The following ENY2 variants were observed in gnomAD, a reference collection of about 807,000 sequenced individuals.
ENY2 encodes transcription and mRNA export factor ENY2.
Under a neutral mutation model 15.9 loss-of-function variants are expected in ENY2, and 4 were observed. The ratio of observed to expected loss-of-function variants is 0.25; its 90% CI spans 0.12 to 0.57. The LOEUF is 0.57. Among genes scored for constraint, ENY2 ranks in the 20% least tolerant of loss-of-function variants. ENY2 has a pLI of 0.91. For synonymous variants in ENY2, 48 were observed against 38.0 expected (o/e 1.26, Z -0.97); for missense variants, 54 against 117.2 (o/e 0.46, Z 2.49).
At chr8:109,339,032 G>C in intron 2 of ENY2, 1 of 397,430 alleles carries the variant, frequency 2.5e-6, no homozygotes, top group East Asian at 4.5e-5. Flanking sequence ...GGACGGTGGA[G>C]AGTATATAAC....
intron 1 of ENY2, 81 bp downstream of exon 1, chr8:109,334,555 C>T: frequency 6.7e-7 from 1 of 1,499,936 alleles, no homozygotes; most frequent in East Asian, 2.4e-5. Context: ...TCGTTAGCGT[C>T]CCCGACCCGC....
At chr8:109,334,719 C>G in intron 1 of ENY2, 1 of 541,768 alleles carries the variant, frequency 1.8e-6, no homozygotes, top group Non-Finnish European at 3.2e-6. Context: ...GGGAGGGATA[C>G]CCTAGCGCCC....
At chr8:109,342,514 CTT>C (rs11316616) in intron 4 of ENY2, among the ~76,000 whole-genome samples, 133 of 139,470 alleles carry the variant, frequency 9.5e-4, no homozygotes, top group African/African-American at 1.9e-3. Flanking sequence ...TATATATACC[CTT>C]TTTTTTTTTT....
At chr8:109,334,745 G>A in intron 1 of ENY2, 1 of 515,722 alleles carries the variant, frequency 1.9e-6, no homozygotes, top group Non-Finnish European at 3.4e-6. Flanking sequence ...TTACCAGTGA[G>A]AAAACTGAGG....
chr8:109,343,235 T>C lies in ENY2; in HGVS notation c.230-170T>C, dbSNP rs184068270. 2.4e-3 allele frequency among the ~76,000 whole-genome samples: 366 copies of C among 152,268 alleles called. 4 individuals are homozygous for C. The highest frequency in any genetic ancestry group is 3.4e-3 in the Middle Eastern group (1 of 294). ...TGGATAGTTCATTTAAAATGATGAA[T>C]TGCAAGAAGACACTTTTCTTTGTCA... On this transcript the variant is annotated intron_variant, in intron 4 of 4. Transcript: ENST00000521688.
At position 109,345,553 on chromosome 8, in the gene ENY2, A is replaced by G. The variant is rs1435731637; in HGVS notation, c.*2072A>G. 2 of 152,196 alleles carry G rather than the reference A, an allele frequency of 1.3e-5. No homozygotes were observed. The highest frequency in any genetic ancestry group is 4.8e-5 in the African/African-American group (2 of 41,456). 9.4% of individuals were successfully genotyped at this position (152,196 alleles called of 1,614,324 possible). A position where few individuals can be genotyped will look rare whatever the true frequency, so the allele number is the denominator to read the frequency against. On this transcript the variant is annotated 3_prime_UTR_variant, in exon 5 of 5. Transcript: ENST00000521688. ...GTTTCACTTCATCTCTTATAAAACAATGTTCTAAAGTAAGTGATAGGGATG... is the reference window on the plus strand; with the variant it reads ...GTTTCACTTCATCTCTTATAAAACAGTGTTCTAAAGTAAGTGATAGGGATG...
At chr8:109,337,692 A>G (rs1279434029) in intron 2 of ENY2, among the ~76,000 whole-genome samples, 1 of 150,756 alleles carries the variant, frequency 6.6e-6, no homozygotes, top group East Asian at 1.9e-4. Context: ...TCACAAGGTC[A>G]GGAGATTGAG....
At chr8:109,342,491 A>G (rs1216361344) in intron 4 of ENY2, among the ~76,000 whole-genome samples, 1 of 147,120 alleles carries the variant, frequency 6.8e-6, no homozygotes, top group Non-Finnish European at 1.5e-5. Context: ...GTATATTTTT[A>G]TATATGTATA....
chr8:109,343,378 T>C, intron 4 of ENY2, 27 bp from the exon 5 acceptor site: 1 of 1,582,168 alleles, frequency 6.3e-7, no homozygotes, highest in Non-Finnish European at 8.6e-7. Flanking sequence ...ACCTTCTTAC[T>C]CTTATTTTTT....
At chr8:109,340,771 C>A in intron 4 of ENY2, 2 of 549,536 alleles carry the variant, frequency 3.6e-6, no homozygotes, top group Non-Finnish European at 6.4e-6. Context: ...TACTCTAGAA[C>A]AGTGCACCAA....
rs1396752506 is a variant in ENY2, at chr8:109,345,674, G to A, written c.*2193G>A. On this transcript the variant is annotated 3_prime_UTR_variant, in exon 5 of 5. Transcript: ENST00000521688. ...CGGATAGTTCTTATTTCATAGTACT[G>A]TATATGGAAATAAACCAAATTTGCT... is the stretch of plus-strand genomic sequence containing the variant. 2 of 152,106 alleles carry A rather than the reference G, an allele frequency of 1.3e-5. No homozygotes were observed. Among genetic ancestry groups the A allele is most frequent in the African/African-American group, 4.8e-5 (2 of 41,428 alleles). 9.4% of individuals were successfully genotyped at this position (152,106 alleles called of 1,614,324 possible).
intron 4 of ENY2, among the ~76,000 whole-genome samples, chr8:109,341,964 TATTG>T (rs1816122263): frequency 6.6e-6 from 1 of 152,200 alleles, no homozygotes; most frequent in South Asian, 2.1e-4. Flanking sequence ...TTAGTATACA[TATTG>T]ATTACATTTC....
At chr8:109,334,659 C>A (rs1357560016) in intron 1 of ENY2, 185 bp downstream of exon 1, 1 of 634,260 alleles carries the variant, frequency 1.6e-6, no homozygotes, top group Non-Finnish European at 2.6e-6. Flanking sequence ...CCTCTCCCGC[C>A]TCTCCCGCTG....
intron 1 of ENY2, chr8:109,335,175 A>G (rs908893238): frequency 1.4e-4 from 21 of 152,100 alleles, no homozygotes; most frequent in African/African-American, 4.3e-4. Flanking sequence ...TTTACTGACA[A>G]TTGAGGACTT....
intron 2 of ENY2, 56 bp downstream of exon 2, chr8:109,336,260 G>T (rs1327583540): frequency 5.8e-6 from 8 of 1,380,248 alleles, no homozygotes; most frequent in Non-Finnish European, 8.1e-6. Context: ...TAGTTAGCTT[G>T]TAAGAATCTA....
At chr8:109,338,619 T>C (rs1779116732) in intron 2 of ENY2, 1 of 152,174 alleles carries the variant, frequency 6.6e-6, no homozygotes, top group South Asian at 2.1e-4. Context: ...GGTTGAGGAT[T>C]GAAGATTTGT....
chr8:109,340,664 C>G, intron 4 of ENY2, 101 bp downstream of exon 4: 1 of 1,471,090 alleles, frequency 6.8e-7, no homozygotes, highest in Non-Finnish European at 9.2e-7. Flanking sequence ...AGGAAAAGCA[C>G]TACCTGTGTT....
chr8:109,337,556 C>A (rs1489445888), intron 2 of ENY2, among the ~76,000 whole-genome samples: 1 of 151,744 alleles, frequency 6.6e-6, no homozygotes, highest in African/African-American at 2.4e-5. Context: ...ACTAGAGGAA[C>A]AATAAAGCAG....
intron 3 of ENY2, among the ~76,000 whole-genome samples, chr8:109,340,038 T>G (rs1816081529): frequency 6.6e-6 from 1 of 152,192 alleles, no homozygotes; most frequent in Admixed American, 6.5e-5. Context: ...ACTGAAAGAA[T>G]AGAGCTGGAT....
Sources: allele counts gnomAD v4.1 joint callset (sites outside exome capture counted in the v4.1 genomes callset), GRCh38; gene constraint gnomAD v4.1.1; transcripts MANE v1.5; gene names NCBI Gene and HGNC (gene_info 2026-07-23, HGNC 2026-07-21).